ELOVL6: variants seen among roughly 807,000 people sequenced by gnomAD.
ELOVL6 encodes very long chain fatty acid elongase 6.
In ELOVL6, 8 loss-of-function variants were observed where a neutral mutation model predicts 31.7. The ratio of observed to expected loss-of-function variants is 0.25; its 90% confidence interval spans 0.15 to 0.45. ELOVL6 has a LOEUF of 0.45. ELOVL6 is among the 20% of genes least tolerant of loss of function. The probability of loss-of-function intolerance (pLI) is 1.00; values close to 1 mark genes in which losing one functional copy is unlikely to be tolerated. For missense variants in ELOVL6, 126 were observed against 326.4 expected (o/e 0.39, Z 4.73); for synonymous variants, 101 against 117.7 (o/e 0.86, Z 0.92).
intron 1 of ELOVL6, among the ~76,000 whole-genome samples, chr4:110,171,951 G>T (rs923811388): frequency 6.6e-6 from 1 of 151,910 alleles, no homozygotes; most frequent in Non-Finnish European, 1.5e-5. Context: ...TGGTCCCCAC[G>T]GTGCTGAGAT....
intron 2 of ELOVL6, among the ~76,000 whole-genome samples, chr4:110,073,091 C>T: frequency 6.6e-6 from 1 of 152,188 alleles, no homozygotes; most frequent in Non-Finnish European, 1.5e-5. Context: ...GATTTCCGTG[C>T]ATTTCATCCT....
intron 2 of ELOVL6, among the ~76,000 whole-genome samples, chr4:110,094,432 T>TAAATAA (rs1420246468): frequency 2.4e-4 from 14 of 58,448 alleles, no homozygotes; most frequent in African/African-American, 1.2e-3. Flanking sequence ...TATATATATA[T>TAAATAA]ATATATATAT....
intron 2 of ELOVL6, among the ~76,000 whole-genome samples, chr4:110,104,122 T>C (rs1346377768): frequency 6.6e-6 from 1 of 152,148 alleles, no homozygotes; most frequent in African/African-American, 2.4e-5. Context: ...TTACAAGTGT[T>C]AAAATTTAAA....
At chr4:110,053,523 G>C (rs1426981251) in intron 3 of ELOVL6, among the ~76,000 whole-genome samples, 3 of 152,192 alleles carry the variant, frequency 2.0e-5, no homozygotes, top group Admixed American at 2.0e-4. Context: ...AAAGAAAGTT[G>C]GCCGGGTGTG....
At chr4:110,127,039 G>A (rs1757518295) in intron 1 of ELOVL6, among the ~76,000 whole-genome samples, 2 of 151,942 alleles carry the variant, frequency 1.3e-5, no homozygotes, top group Non-Finnish European at 2.9e-5. Context: ...AAAAGGAAAA[G>A]TAGTAGACCA....
intron 1 of ELOVL6, among the ~76,000 whole-genome samples, chr4:110,163,307 A>G (rs945163130): frequency 6.6e-6 from 1 of 152,150 alleles, no homozygotes; most frequent in Non-Finnish European, 1.5e-5. Flanking sequence ...CTGACCCCCT[A>G]GCTAAAACAG....
At chr4:110,144,054 CAA>C (rs10716398) in intron 1 of ELOVL6, among the ~76,000 whole-genome samples, 131 of 85,568 alleles carry the variant, frequency 1.5e-3, no homozygotes, top group East Asian at 3.6e-3. Context: ...AACTCCATCT[CAA>C]AAAAAAAAAA....
chr4:110,117,903 A>AAAAAAAAAAAAAAAATATAT, intron 1 of ELOVL6: 1 of 6,506 alleles, frequency 1.5e-4, no homozygotes, highest in African/African-American at 3.3e-4. Flanking sequence ...AAAAAAAAAA[A>AAAAAAAAAAAAAAAATATAT]ATATATATAT....
At chr4:110,136,645 C>G (rs1343967339) in intron 1 of ELOVL6, among the ~76,000 whole-genome samples, 1 of 152,184 alleles carries the variant, frequency 6.6e-6, no homozygotes, top group Non-Finnish European at 1.5e-5. Flanking sequence ...CCAATGATCA[C>G]AGTGAACATT....
chr4:110,142,968 A>C (rs575081031), intron 1 of ELOVL6, among the ~76,000 whole-genome samples: 2 of 152,180 alleles, frequency 1.3e-5, no homozygotes, highest in Admixed American at 6.5e-5. Context: ...CTCAGCACGT[A>C]AGGAATGGCC....
intron 1 of ELOVL6, among the ~76,000 whole-genome samples, chr4:110,189,822 C>T (rs901578882): frequency 1.3e-5 from 2 of 151,562 alleles, no homozygotes; most frequent in Non-Finnish European, 2.9e-5. Flanking sequence ...GAAAAATTAG[C>T]CAGGTGTGAT....
At chr4:110,056,064 T>C (rs1256001426) in intron 3 of ELOVL6, among the ~76,000 whole-genome samples, 1 of 147,622 alleles carries the variant, frequency 6.8e-6, no homozygotes, top group Admixed American at 6.9e-5. Context: ...TGCTCAACAA[T>C]CTGAATAATA....
chr4:110,070,018 G>A (rs1755423869), intron 2 of ELOVL6, among the ~76,000 whole-genome samples: 1 of 152,164 alleles, frequency 6.6e-6, no homozygotes, highest in Non-Finnish European at 1.5e-5. Context: ...CATCCCTGGT[G>A]TCCTAGATGA....
At chr4:110,054,510 A>G (rs531085994) in intron 3 of ELOVL6, among the ~76,000 whole-genome samples, 1 of 152,262 alleles carries the variant, frequency 6.6e-6, no homozygotes, top group Non-Finnish European at 1.5e-5. Flanking sequence ...TTAGTCATTC[A>G]TAATTGAATA....
In ELOVL6 at chr4:110,051,167, T is replaced by C. The variant is rs1754827143; in HGVS notation, c.*171A>G. The C allele has an allele frequency of 1.5e-6, 1 of 675,784 alleles. No homozygotes were observed. The allele number at this position is 675,784 out of a possible 1,614,324, so 41.9% of individuals were successfully genotyped here. A position where few individuals can be genotyped will look rare whatever the true frequency, so the allele number is the denominator to read the frequency against. ...GTGAGTCCTCACCCTAAAAGGATCA[T>C]AAACTTACTGGGTTAAATCAACCTA... On this transcript the variant is annotated 3_prime_UTR_variant, in exon 4 of 4. Coordinates refer to ENST00000302274, the MANE Select transcript of ELOVL6 (RefSeq NM_024090.3). This position sits in a 1 kb window ranked among gnomAD's most constrained non-coding sequence, Gnocchi z 4.8.
At chr4:110,106,655 G>C (rs1756898845) in intron 1 of ELOVL6, among the ~76,000 whole-genome samples, 1 of 152,144 alleles carries the variant, frequency 6.6e-6, no homozygotes, top group Admixed American at 6.5e-5. Context: ...GTTTTGGCCA[G>C]CTTCTTAACT....
chr4:110,084,134 A>ATATAACATATAT (rs1372065552), intron 2 of ELOVL6, among the ~76,000 whole-genome samples: 7 of 45,950 alleles, frequency 1.5e-4, no homozygotes, highest in African/African-American at 7.4e-4. Context: ...TATATGTGAT[A>ATATAACATATAT]ATGATATATA....
rs1326087218 is a variant in ELOVL6, at chr4:110,084,259, A to AACTTATAT, written c.221+21237_221+21238insATATAAGT. ...AACATATATGATATATATAACATAT[A>AACTTATAT]GCTTATATGTGATATATAACATATA... On this transcript the variant is annotated intron_variant, in intron 2 of 3. Coordinates refer to ENST00000302274, the MANE Select transcript of ELOVL6 (RefSeq NM_024090.3). 5.5e-5 allele frequency among the ~76,000 whole-genome samples: 7 copies of AACTTATAT among 128,218 alleles called. 2 individuals carry two copies. The highest frequency in any genetic ancestry group is 1.5e-4 in the African/African-American group (5 of 33,918). 84.1% of individuals were successfully genotyped at this position (128,218 alleles called of 152,430 possible).
At chr4:110,107,103 G>A (rs1011928050) in intron 1 of ELOVL6, among the ~76,000 whole-genome samples, 1 of 152,090 alleles carries the variant, frequency 6.6e-6, no homozygotes, top group Non-Finnish European at 1.5e-5. Context: ...AAAATGCTTC[G>A]TGTTTTCTCC....
Sources: gnomAD v4.1 joint callset for allele counts (sites outside exome capture counted in the v4.1 genomes callset) on GRCh38, gnomAD v4.1.1 for gene constraint, Gnocchi (gnomAD v3.1) non-coding constraint, MANE v1.5 for transcripts, NCBI Gene and HGNC (gene_info 2026-07-23, HGNC 2026-07-21) for gene names.